Variants in SPAG16 observed in about 807,000 individuals in gnomAD.
SPAG16 encodes the protein sperm-associated antigen 16 protein.
In SPAG16, 86 loss-of-function variants were observed where a neutral mutation model predicts 80.4. The ratio of observed to expected loss-of-function variants is 1.07; its 90% CI spans 0.90 to 1.28. SPAG16 has a LOEUF of 1.28. Among genes scored for constraint, SPAG16 ranks in the 50% most tolerant of loss-of-function variants. SPAG16 has a pLI of 0.00. For synonymous variants in SPAG16, 294 were observed against 265.9 expected (o/e 1.11, Z -1.03); for missense variants, 870 against 765.3 (o/e 1.14, Z -1.61).
intron 10 of SPAG16, among the ~76,000 whole-genome samples, chr2:213,660,964 C>T (rs916771742): frequency 1.3e-5 from 2 of 152,272 alleles, no homozygotes; most frequent in Admixed American, 6.5e-5. Context: ...ATACTAGCAT[C>T]GGCCCCCTGG....
chr2:213,336,361 T>C (rs533218203), intron 5 of SPAG16, among the ~76,000 whole-genome samples: 2 of 150,230 alleles, frequency 1.3e-5, no homozygotes, highest in East Asian at 4.0e-4. Flanking sequence ...TCCACTCCTG[T>C]GGGAAGGGGG....
intron 9 of SPAG16, among the ~76,000 whole-genome samples, chr2:213,385,800 A>ACACACACG (rs1456831109): frequency 6.6e-6 from 1 of 151,632 alleles, no homozygotes; most frequent in Non-Finnish European, 1.5e-5. Context: ...GTCCACACAC[A>ACACACACG]CACACACACA....
intron 10 of SPAG16, among the ~76,000 whole-genome samples, chr2:213,605,574 C>T (rs891211876): frequency 1.3e-5 from 2 of 152,146 alleles, no homozygotes; most frequent in African/African-American, 4.8e-5. Flanking sequence ...ACTGCAACCT[C>T]CACCTCCTGG....
intron 10 of SPAG16, among the ~76,000 whole-genome samples, chr2:213,506,191 T>A (rs142056125): frequency 5.8e-4 from 89 of 152,192 alleles, no homozygotes; most frequent in Middle Eastern, 3.4e-3. Context: ...TTTAAGGAAA[T>A]AAGGACAATA....
chr2:214,033,926 C>T lies in SPAG16; in HGVS notation c.1527+19849C>T, dbSNP rs115655395. Reference sequence around the variant, plus strand: ...GAACTTTTTCAAATTTGTTAACCTGCCCCAATAGTGCCTTTATAACAAAAG... The same window carrying T: ...GAACTTTTTCAAATTTGTTAACCTGTCCCAATAGTGCCTTTATAACAAAAG... On this transcript the variant is annotated intron_variant, in intron 13 of 15. Coordinates refer to ENST00000331683, the MANE Select transcript of SPAG16 (RefSeq NM_024532.5). Among the ~76,000 whole-genome samples, 635 of 152,284 alleles carry T rather than the reference C, an allele frequency of 4.2e-3. 4 individuals are homozygous for T. The highest frequency in any genetic ancestry group is 0.015 in the African/African-American group (614 of 41,562).
chr2:213,922,187 T>C (rs1448969388), intron 11 of SPAG16, among the ~76,000 whole-genome samples: 1 of 152,224 alleles, frequency 6.6e-6, no homozygotes, highest in African/African-American at 2.4e-5. Flanking sequence ...TCTATTTACA[T>C]AATCCTATAT....
rs375225457 is a variant in SPAG16 at position 213,712,009 on chromosome 2, C to A, written c.1071-150476C>A. On this transcript the variant is annotated intron_variant, in intron 10 of 15. Transcript: ENST00000331683. ...GGGTTTACACAATTCCAGGAGGCAC[C>A]ATTCTCATTATCTACACAAATGGCA... 7.9e-5 allele frequency among the ~76,000 whole-genome samples: 12 copies of A among 151,790 alleles called. No individual in the cohort carries two copies. In the East Asian group the frequency reaches 1.7e-3, roughly 22 times the overall value.
chr2:214,304,231 C>T (rs937410909), intron 15 of SPAG16, among the ~76,000 whole-genome samples: 1 of 152,166 alleles, frequency 6.6e-6, no homozygotes, highest in Non-Finnish European at 1.5e-5. Flanking sequence ...CAAAATCTGG[C>T]CATAAACTGG....
At chr2:214,209,098 A>G (rs1257289906) in intron 15 of SPAG16, among the ~76,000 whole-genome samples, 1 of 152,106 alleles carries the variant, frequency 6.6e-6, no homozygotes, top group African/African-American at 2.4e-5. Context: ...TAAATGTTTT[A>G]GATCCCATTA....
At chr2:213,649,476 AAT>A in intron 10 of SPAG16, among the ~76,000 whole-genome samples, 1 of 152,282 alleles carries the variant, frequency 6.6e-6, no homozygotes, top group Admixed American at 6.5e-5. Flanking sequence ...AATTTAAAAA[AAT>A]AACCCAGAAT....
intron 10 of SPAG16, among the ~76,000 whole-genome samples, chr2:213,507,231 G>C (rs1482761296): frequency 6.6e-6 from 1 of 152,196 alleles, no homozygotes; most frequent in South Asian, 2.1e-4. Context: ...GAAAGGGAAT[G>C]ATGCTAAATA....
intron 12 of SPAG16, among the ~76,000 whole-genome samples, chr2:213,958,855 ATTT>A (rs141938981): frequency 0.14 from 21,963 of 152,048 alleles, 1,957 homozygotes; most frequent in Non-Finnish European, 0.2. Context: ...TGAAATCTTT[ATTT>A]CTTAATGTGG....
At chr2:213,762,025 G>C (rs1266372705) in intron 10 of SPAG16, among the ~76,000 whole-genome samples, 1 of 152,096 alleles carries the variant, frequency 6.6e-6, no homozygotes, top group Non-Finnish European at 1.5e-5. Context: ...ATTTCTTCTT[G>C]GAATGCAAGG....
intron 15 of SPAG16, among the ~76,000 whole-genome samples, chr2:214,168,595 T>C (rs1380172130): frequency 1.3e-5 from 2 of 151,922 alleles, no homozygotes; most frequent in Non-Finnish European, 2.9e-5. Flanking sequence ...ATATTTTAGA[T>C]AAGATGTGCA....
intron 7 of SPAG16, among the ~76,000 whole-genome samples, chr2:213,353,704 C>T (rs1399769469): frequency 6.6e-6 from 1 of 152,122 alleles, no homozygotes; most frequent in African/African-American, 2.4e-5. Context: ...CCCTCAGGCA[C>T]AGAACTCTTT....
chr2:213,451,762 C>A (rs2071705054), intron 9 of SPAG16, among the ~76,000 whole-genome samples: 1 of 152,036 alleles, frequency 6.6e-6, no homozygotes, highest in African/African-American at 2.4e-5. Context: ...CCGGGTGTGC[C>A]GTATGTTGAG....
intron 11 of SPAG16, among the ~76,000 whole-genome samples, chr2:213,912,275 T>C (rs2106171254): frequency 6.6e-6 from 1 of 152,322 alleles, no homozygotes; most frequent in African/African-American, 2.4e-5. Flanking sequence ...TGAATAGTTA[T>C]ACACTTTCTG....
chr2:214,291,308 T>TTC (rs1420779282), intron 15 of SPAG16, among the ~76,000 whole-genome samples: 1 of 121,890 alleles, frequency 8.2e-6, no homozygotes, highest in African/African-American at 3.3e-5. Flanking sequence ...TTCTTTTTTT[T>TTC]TTTTTTTTTT....
At chr2:213,869,018 G>A (rs1380990173) in intron 11 of SPAG16, among the ~76,000 whole-genome samples, 3 of 151,710 alleles carry the variant, frequency 2.0e-5, no homozygotes, top group Non-Finnish European at 4.4e-5. Flanking sequence ...TTGGGAGGCT[G>A]AGGCAGGCGG....
Sources: allele counts gnomAD v4.1 joint callset (sites outside exome capture counted in the v4.1 genomes callset), GRCh38; gene constraint gnomAD v4.1.1; transcripts MANE v1.5; gene names NCBI Gene and HGNC (gene_info 2026-07-23, HGNC 2026-07-21).